The following NCOA2 variants were observed in gnomAD, a reference collection of about 807,000 sequenced individuals.
NCOA2 encodes nuclear receptor coactivator 2, also known as class E basic helix-loop-helix protein 75.
A neutral mutation model predicts 145.1 loss-of-function variants in NCOA2; 21 were observed. That is an observed-to-expected ratio of 0.14 (90% CI 0.10 to 0.21). The LOEUF (loss-of-function observed/expected upper bound fraction) is 0.21, where lower values mean the gene tolerates loss of function less well. Ranked by LOEUF, NCOA2 falls within the 10% of genes least tolerant of loss-of-function variation. The probability of loss-of-function intolerance (pLI) is 1.00; values close to 1 mark genes in which losing one functional copy is unlikely to be tolerated. For missense variants in NCOA2, 1,472 were observed against 1,837.6 expected (o/e 0.80, Z 3.64); for synonymous variants, 619 against 637.5 (o/e 0.97, Z 0.44).
At chr8:70,292,290 C>CT (rs1353549230) in intron 2 of NCOA2, among the ~76,000 whole-genome samples, 1 of 151,716 alleles carries the variant, frequency 6.6e-6, no homozygotes, top group Non-Finnish European at 1.5e-5. Flanking sequence ...GTAGCTGGGA[C>CT]TACAGGCACA....
intron 1 of NCOA2, among the ~76,000 whole-genome samples, chr8:70,308,808 C>A (rs942630165): frequency 2.8e-4 from 42 of 152,184 alleles, no homozygotes; most frequent in African/African-American, 9.9e-4. Flanking sequence ...TAAACCACAG[C>A]CTAATAGTGT....
In NCOA2 at chr8:70,156,097, A is replaced by G; in HGVS notation, c.2268T>C (p.Asp756=). 1 of 1,613,918 alleles carries G rather than the reference A, an allele frequency of 6.2e-7. No individual in the cohort carries two copies. The highest frequency in any genetic ancestry group is 1.1e-5 in the South Asian group (1 of 91,076). Reference sequence around the variant, plus strand: ...TGGGGGTTATTTCTGGTAAACCAATATCTTTAGTATCATCTTTATCTAGCA... The same window carrying G: ...TGGGGGTTATTTCTGGTAAACCAATGTCTTTAGTATCATCTTTATCTAGCA... The part of the protein sequence containing the change: ...RYLLDKDDTK[D]IGLPEITPKL... The change falls in exon 11 of 23, where the codon GAT becomes GAC. Residue 756 remains aspartate (D), a synonymous_variant. Coordinates refer to ENST00000452400, the MANE Select transcript of NCOA2 (RefSeq NM_006540.4).
In NCOA2 at chr8:70,244,608, G is replaced by GA. The variant is rs201095009; in HGVS notation, c.-19-27845dup. Among the ~76,000 whole-genome samples, 1,410 of 152,092 alleles carry GA rather than the reference G, an allele frequency of 9.3e-3. 20 individuals are homozygous for GA. Among genetic ancestry groups the GA allele is most frequent in the African/African-American group, 0.032 (1,313 of 41,488 alleles). ...TATCACAAAGCTCCCCTTTAAGCTTGAAATTAGAAAAGGATAAAAAGTATA... is the reference window on the plus strand; with the variant it reads ...TATCACAAAGCTCCCCTTTAAGCTTGAAAATTAGAAAAGGATAAAAAGTATA... On this transcript the variant is annotated intron_variant, in intron 2 of 22. Transcript: ENST00000452400.
chr8:70,177,897 C>G (rs924808890), intron 4 of NCOA2, among the ~76,000 whole-genome samples: 2 of 152,136 alleles, frequency 1.3e-5, no homozygotes, highest in African/African-American at 2.4e-5. Context: ...ATTATTGTTT[C>G]CTATGGTATC....
rs577632017 is a variant in NCOA2, at chr8:70,346,640, C to G, written c.-76-49840G>C. ...AGGCAGCTTCTGAGTGTACATTATT[C>G]GCCAATGCATTGCTGGTTCTCAGCC... On this transcript the variant is annotated intron_variant, in intron 1 of 22. Transcript: ENST00000452400. 2.0e-5 allele frequency among the ~76,000 whole-genome samples: 3 copies of G among 152,310 alleles called. No homozygotes were observed. The East Asian group carries it at 5.8e-4, about 29-fold the overall frequency.
chr8:70,403,637 GCGCCCCCCGCCTGCCGCC>G (rs1241572384), intron 1 of NCOA2, 45 bp downstream of exon 1: 29 of 348,484 alleles, frequency 8.3e-5, no homozygotes, highest in Middle Eastern at 7.6e-4. Context: ...TGGGGACGCG[GCGCCCCCCGCCTGCCGCC>G]CGCCCCCCGC....
At chr8:70,433,979 T>C in the NCOA2 span, among the ~76,000 whole-genome samples, 1 of 152,294 alleles carries the variant, frequency 6.6e-6, no homozygotes. Flanking sequence ...GGATGAAAGA[T>C]TTCAGATTCA....
chr8:70,303,088 C>A (rs976530032), intron 1 of NCOA2, among the ~76,000 whole-genome samples: 1 of 152,252 alleles, frequency 6.6e-6, no homozygotes, highest in Non-Finnish European at 1.5e-5. Flanking sequence ...TAGACCTAGA[C>A]AACCAATTAA....
At position 70,148,134 on chromosome 8, in the gene NCOA2, A is replaced by G. The variant is rs898889098; in HGVS notation, c.2605+139T>C. ...TCCATTTTGAATACTGTTTCAAAAG[A>G]CCAGGACAGTAGATGGTGCTATTTG... On this transcript the variant is annotated intron_variant, in intron 12 of 22. Coordinates refer to ENST00000452400, the MANE Select transcript of NCOA2 (RefSeq NM_006540.4). 3.9e-6 allele frequency: 3 copies of G among 770,502 alleles called. No individual in the cohort carries two copies. In the African/African-American group the frequency reaches 5.2e-5, roughly 13 times the overall value. The allele number at this position is 770,502 out of a possible 1,614,324, so 47.7% of individuals were successfully genotyped here.
At chr8:70,139,540 A>G (rs1432664047) in intron 14 of NCOA2, among the ~76,000 whole-genome samples, 1 of 152,010 alleles carries the variant, frequency 6.6e-6, no homozygotes, top group Admixed American at 6.6e-5. Context: ...GCCATCTCTG[A>G]GAAACAATAA....
At chr8:70,177,516 A>C (rs1230915403) in intron 4 of NCOA2, among the ~76,000 whole-genome samples, 1 of 152,172 alleles carries the variant, frequency 6.6e-6, no homozygotes, top group Non-Finnish European at 1.5e-5. Flanking sequence ...GTGGAAAGAT[A>C]AAGTAATTTT....
chr8:70,283,707 T>A (rs575453040), intron 2 of NCOA2, among the ~76,000 whole-genome samples: 1 of 152,346 alleles, frequency 6.6e-6, no homozygotes, highest in South Asian at 2.1e-4. Flanking sequence ...AAGTGTCCCT[T>A]ACCCAAAATG....
chr8:70,221,301 C>G (rs766396687), intron 2 of NCOA2, among the ~76,000 whole-genome samples: 3 of 152,174 alleles, frequency 2.0e-5, no homozygotes, highest in Non-Finnish European at 4.4e-5. Flanking sequence ...TTAGAGCCCA[C>G]TGTTTCTCAG....
chr8:70,454,697 A>G, the NCOA2 span, among the ~76,000 whole-genome samples: 3,083 of 152,296 alleles, frequency 0.02, 47 homozygotes, highest in Non-Finnish European at 0.031. Flanking sequence ...CACAAATTCG[A>G]CAGTTACCAT....
At chr8:70,301,523 C>T (rs1457788401) in intron 1 of NCOA2, among the ~76,000 whole-genome samples, 3 of 151,448 alleles carry the variant, frequency 2.0e-5, no homozygotes, top group African/African-American at 4.9e-5. Context: ...GGCATGGTGG[C>T]GCATGTCTGT....
chr8:70,139,358 T>A (rs1563508548), intron 14 of NCOA2, among the ~76,000 whole-genome samples: 1 of 152,202 alleles, frequency 6.6e-6, no homozygotes, highest in Non-Finnish European at 1.5e-5. Context: ...AAATTACATT[T>A]CTGGATATAA....
the NCOA2 span, among the ~76,000 whole-genome samples, chr8:70,445,763 T>G: frequency 6.6e-6 from 1 of 152,196 alleles, no homozygotes; most frequent in African/African-American, 2.4e-5. Flanking sequence ...ACTTTTGTGT[T>G]TGATTGATTG....
chr8:70,144,606 C>A (rs751696995), intron 13 of NCOA2, 36 bp downstream of exon 13: 1 of 1,526,156 alleles, frequency 6.6e-7, no homozygotes, highest in Non-Finnish European at 9.1e-7. Context: ...AATTAAATAA[C>A]CCACCAATAA....
chr8:70,450,919 CTTT>C, the NCOA2 span, among the ~76,000 whole-genome samples: 1 of 149,746 alleles, frequency 6.7e-6, no homozygotes, highest in Non-Finnish European at 1.5e-5. Flanking sequence ...GCTATCTGTT[CTTT>C]AAGGTTAGAA....
Sources: gnomAD v4.1 joint callset for allele counts (sites outside exome capture counted in the v4.1 genomes callset) on GRCh38, gnomAD v4.1.1 for gene constraint, MANE v1.5 for transcripts, NCBI Gene and HGNC (gene_info 2026-07-23, HGNC 2026-07-21) for gene names.